Variants in TIAM2 observed in about 807,000 individuals in gnomAD.
The protein encoded by TIAM2 is rho guanine nucleotide exchange factor TIAM2.
A neutral mutation model predicts 152.9 loss-of-function variants in TIAM2; 80 were observed. That is an observed-to-expected ratio of 0.52 (90% CI 0.44 to 0.63). The LOEUF (loss-of-function observed/expected upper bound fraction) is 0.63. Among genes scored for constraint, TIAM2 ranks in the 30% least tolerant of loss-of-function variants. TIAM2 has a pLI of 0.00. For synonymous variants in TIAM2, 804 were observed against 838.0 expected, an observed-to-expected ratio of 0.96 and a Z score of 0.70; for missense variants, 1,965 against 2,120.1, an observed-to-expected ratio of 0.93 and a Z score of 1.44.
In TIAM2 at chr6:155,168,928, T is replaced by G. The variant is rs555313674; in HGVS notation, c.2361+3519T>G. The G allele has an allele frequency of 1.7e-5, 26 of 1,526,258 alleles. No homozygotes were observed. The South Asian group carries it at 1.8e-4, about 11-fold the overall frequency. 94.5% of individuals were successfully genotyped at this position (1,526,258 alleles called of 1,614,324 possible). On this transcript the variant is annotated intron_variant, in intron 9 of 26. Transcript: ENST00000682666. ...GTAACTCCAGTGAGGTAAACTTTGC[T>G]ATAGATGGCCGCCATCTTGTTTTAC...
At chr6:154,996,338 C>T (rs537203990) in intron 1 of TIAM2, among the ~76,000 whole-genome samples, 90 of 152,176 alleles carry the variant, frequency 5.9e-4, no homozygotes, top group Middle Eastern at 6.8e-3. Context: ...CTGCTTGATT[C>T]CAAAGATAAT....
intron 15 of TIAM2, 49 bp from the exon 16 acceptor site, chr6:155,240,481 T>C: frequency 6.4e-7 from 1 of 1,552,662 alleles, no homozygotes; most frequent in Non-Finnish European, 8.7e-7. Flanking sequence ...CAGCGGATAC[T>C]ATCAGGGAGA....
intron 7 of TIAM2, among the ~76,000 whole-genome samples, chr6:155,150,381 G>T (rs915982851): frequency 1.3e-5 from 2 of 152,194 alleles, no homozygotes; most frequent in African/African-American, 2.4e-5. Context: ...GGTTGAGGTT[G>T]TACTGTGATC....
chr6:155,232,857 C>G (rs1211471129), intron 15 of TIAM2: 1 of 152,234 alleles, frequency 6.6e-6, no homozygotes, highest in Non-Finnish European at 1.5e-5. Flanking sequence ...TACTTTTCCT[C>G]TAAAGCAGGA....
chr6:155,099,475 A>C (rs1778504429), intron 2 of TIAM2, among the ~76,000 whole-genome samples: 1 of 152,064 alleles, frequency 6.6e-6, no homozygotes, highest in Non-Finnish European at 1.5e-5. Flanking sequence ...AAATGTTAAA[A>C]ATTTATCTTG....
intron 15 of TIAM2, among the ~76,000 whole-genome samples, chr6:155,220,124 G>A (rs189622643): frequency 1.3e-5 from 2 of 152,342 alleles, no homozygotes; most frequent in African/African-American, 4.8e-5. Flanking sequence ...CTAAAAAGTG[G>A]GCAGTGGGGC....
intron 1 of TIAM2, among the ~76,000 whole-genome samples, chr6:155,039,489 G>A (rs1216336344): frequency 6.6e-6 from 1 of 152,054 alleles, no homozygotes; most frequent in Non-Finnish European, 1.5e-5. Context: ...TGAGGAGTAC[G>A]AGAAGGTTCT....
chr6:155,089,895 A>G (rs1449684462), intron 1 of TIAM2, among the ~76,000 whole-genome samples: 1 of 151,382 alleles, frequency 6.6e-6, no homozygotes, highest in Non-Finnish European at 1.5e-5. Context: ...GCTTGGTCAC[A>G]GTAGGCTTGC....
intron 2 of TIAM2, among the ~76,000 whole-genome samples, chr6:155,123,205 C>T (rs1483867096): frequency 1.3e-5 from 2 of 150,996 alleles, no homozygotes; most frequent in Non-Finnish European, 2.9e-5. Flanking sequence ...TTCTTCCCTG[C>T]CAGGATTGAC....
Position 155,013,327 on chromosome 6 carries a change from G to A in TIAM2, c.-209+17835G>A, listed in dbSNP as rs572111091. ...ATAATCTGTAAGTTCTCTGTATTCC[G>A]AGTTTGATGTGGAGTTTTGTCTCTT... On this transcript the variant is annotated intron_variant, in intron 1 of 26. Transcript: ENST00000682666. Among the ~76,000 whole-genome samples the A allele has an allele frequency of 2.0e-3, 305 of 152,216 alleles. 3 individuals carry two copies. Among genetic ancestry groups the A allele is most frequent in the African/African-American group, 6.7e-3 (278 of 41,532 alleles).
rs148383550 is a variant in TIAM2, at chr6:155,250,840, C to T, written c.3952-73C>T. 49 of 1,443,870 alleles carry T rather than the reference C, an allele frequency of 3.4e-5. No homozygotes were observed. The African/African-American group carries it at 5.6e-4, about 16-fold the overall frequency. The allele number at this position is 1,443,870 out of a possible 1,614,324, so 89.4% of individuals were successfully genotyped here. ...TGCATTTTAGCAATGACTGTGTGTA[C>T]ATCACTATCTAACAAGAGATCATCT... On this transcript the variant is annotated intron_variant, in intron 21 of 26. Transcript: ENST00000682666.
At chr6:155,070,260 G>A (rs13194001) in intron 1 of TIAM2, among the ~76,000 whole-genome samples, 10,552 of 119,188 alleles carry the variant, frequency 0.089, 522 homozygotes, top group Middle Eastern at 0.21. Context: ...TCACTCTGTC[G>A]CCCAGGCTGG....
At chr6:155,239,834 A>G (rs1333865253) in intron 15 of TIAM2, among the ~76,000 whole-genome samples, 3 of 152,194 alleles carry the variant, frequency 2.0e-5, no homozygotes, top group African/African-American at 7.2e-5. Flanking sequence ...CATCCTCGCC[A>G]GGCCTTATGT....
chr6:155,081,184 C>G (rs1375654019), intron 1 of TIAM2, among the ~76,000 whole-genome samples: 2 of 152,102 alleles, frequency 1.3e-5, no homozygotes, highest in South Asian at 4.1e-4. Context: ...GCATTAGAGC[C>G]TTTGAGAACA....
At chr6:155,080,655 G>A (rs925597891) in intron 1 of TIAM2, among the ~76,000 whole-genome samples, 1 of 151,920 alleles carries the variant, frequency 6.6e-6, no homozygotes, top group Non-Finnish European at 1.5e-5. Flanking sequence ...GGCTGGTCTC[G>A]AACTCCTGAC....
At chr6:155,038,871 G>A (rs1776967955) in intron 1 of TIAM2, among the ~76,000 whole-genome samples, 1 of 150,920 alleles carries the variant, frequency 6.6e-6, no homozygotes, top group Non-Finnish European at 1.5e-5. Context: ...GTTTGAGGCT[G>A]CAGTGAGCTG....
chr6:155,128,104 T>A (rs1391994099), intron 3 of TIAM2, among the ~76,000 whole-genome samples: 3 of 152,194 alleles, frequency 2.0e-5, no homozygotes, highest in Non-Finnish European at 4.4e-5. Flanking sequence ...ACTAATAGAC[T>A]CCTTGAGCAA....
chr6:155,119,344 C>G (rs1286131766), intron 2 of TIAM2, among the ~76,000 whole-genome samples: 1 of 148,262 alleles, frequency 6.7e-6, no homozygotes, highest in African/African-American at 2.5e-5. Flanking sequence ...CCTGACTCTT[C>G]TTTTCTTTTT....
chr6:155,126,218 A>G (rs1333882063), intron 2 of TIAM2, among the ~76,000 whole-genome samples: 3 of 152,064 alleles, frequency 2.0e-5, no homozygotes, highest in African/African-American at 7.3e-5. Flanking sequence ...GAAATAAGCC[A>G]GTTGCAAAAA....
Sources: gnomAD v4.1 joint callset for allele counts (sites outside exome capture counted in the v4.1 genomes callset) on GRCh38, gnomAD v4.1.1 for gene constraint, MANE v1.5 for transcripts, NCBI Gene and HGNC (gene_info 2026-07-23, HGNC 2026-07-21) for gene names.